The following DSCAM variants were observed in gnomAD, a reference collection of about 807,000 sequenced individuals.
DSCAM encodes cell adhesion molecule DSCAM.
DSCAM carries 47 observed loss-of-function variants against 217.7 expected under a neutral mutation model. The observed-to-expected ratio is 0.22, with a 90% CI of 0.17 to 0.28. The LOEUF (loss-of-function observed/expected upper bound fraction) is 0.28. Among genes scored for constraint, DSCAM ranks in the 10% least tolerant of loss-of-function variants. DSCAM has a pLI of 1.00. For synonymous variants in DSCAM, 1,056 were observed against 1,015.3 expected (o/e 1.04, Z -0.76); for missense variants, 2,080 against 2,618.3 (o/e 0.79, Z 4.49).
chr21:40,122,887 G>A (rs1254920012), intron 20 of DSCAM, among the ~76,000 whole-genome samples: 1 of 152,148 alleles, frequency 6.6e-6, no homozygotes, highest in Non-Finnish European at 1.5e-5. Context: ...GGCACCTGTG[G>A]ACTCTGAGCT....
chr21:40,836,507 C>T (rs2092057775), intron 1 of DSCAM, among the ~76,000 whole-genome samples: 1 of 152,124 alleles, frequency 6.6e-6, no homozygotes, highest in Admixed American at 6.6e-5. Context: ...CGAAAGATGC[C>T]CAAATTCTTA....
intron 1 of DSCAM, among the ~76,000 whole-genome samples, chr21:40,765,904 G>A (rs1172103226): frequency 6.6e-6 from 1 of 152,198 alleles, no homozygotes; most frequent in Admixed American, 6.5e-5. Flanking sequence ...TCAGCTGCAG[G>A]AGAACGAGGA....
At chr21:40,523,195 G>C (rs1447370307) in intron 3 of DSCAM, among the ~76,000 whole-genome samples, 1 of 152,158 alleles carries the variant, frequency 6.6e-6, no homozygotes, top group Admixed American at 6.5e-5. Flanking sequence ...AGAGGAGGTT[G>C]TGGTCCCTGA....
intron 3 of DSCAM, among the ~76,000 whole-genome samples, chr21:40,588,452 A>G (rs2076961988): frequency 1.3e-5 from 2 of 152,224 alleles, no homozygotes; most frequent in Admixed American, 1.3e-4. Flanking sequence ...AAAAGTCTTT[A>G]TAATAAACAT....
intron 3 of DSCAM, among the ~76,000 whole-genome samples, chr21:40,672,957 C>T (rs2090295169): frequency 6.6e-6 from 1 of 152,192 alleles, no homozygotes; most frequent in South Asian, 2.1e-4. Flanking sequence ...CACTTTTCTC[C>T]ACACAGCAAC....
intron 3 of DSCAM, among the ~76,000 whole-genome samples, chr21:40,429,200 T>C (rs901103087): frequency 1.2e-4 from 18 of 152,212 alleles, no homozygotes; most frequent in Middle Eastern, 3.4e-3. Flanking sequence ...AAAATGTCTT[T>C]TGCAAAATAT....
At position 40,465,830 on chromosome 21, in the gene DSCAM, C is replaced by T. The variant is rs185248674; in HGVS notation, c.509-96585G>A. On this transcript the variant is annotated intron_variant, in intron 3 of 32. Transcript: ENST00000400454. ...CTTACTCTTGAAATACTTGAGAAAG[C>T]AACAATGACCCCTTGTTCTGACAAC... 7.0e-4 allele frequency among the ~76,000 whole-genome samples: 107 copies of T among 151,802 alleles called. 1 individual carries two copies. Among genetic ancestry groups the T allele is most frequent in the African/African-American group, 2.5e-3 (104 of 41,394 alleles).
chr21:40,828,586 C>T (rs573084842), intron 1 of DSCAM, among the ~76,000 whole-genome samples: 1 of 152,144 alleles, frequency 6.6e-6, no homozygotes, highest in East Asian at 1.9e-4. Context: ...GCTTCGGTCT[C>T]CCGTCAGCCT....
At chr21:40,805,018 A>G (rs1302465709) in intron 1 of DSCAM, among the ~76,000 whole-genome samples, 1 of 152,122 alleles carries the variant, frequency 6.6e-6, no homozygotes, top group Non-Finnish European at 1.5e-5. Flanking sequence ...CAGCTGTCTG[A>G]ACGAGACTCT....
chr21:40,094,345 A>G (rs1043992908), intron 20 of DSCAM, among the ~76,000 whole-genome samples: 1 of 152,192 alleles, frequency 6.6e-6, no homozygotes, highest in African/African-American at 2.4e-5. Context: ...TTTCTGATAA[A>G]ATAGAGAGCT....
intron 1 of DSCAM, among the ~76,000 whole-genome samples, chr21:40,784,102 A>G (rs2123439656): frequency 6.6e-6 from 1 of 150,926 alleles, no homozygotes; most frequent in Admixed American, 6.6e-5. Flanking sequence ...ATAACTATTT[A>G]TTATTCATTT....
chr21:40,418,944 A>G (rs1398959554), intron 3 of DSCAM, among the ~76,000 whole-genome samples: 1 of 152,160 alleles, frequency 6.6e-6, no homozygotes, highest in Non-Finnish European at 1.5e-5. Context: ...GGAATTCAGG[A>G]CACAGAAAAG....
chr21:40,470,964 ATTTTC>A (rs369388347), intron 3 of DSCAM, among the ~76,000 whole-genome samples: 207 of 152,252 alleles, frequency 1.4e-3, no homozygotes, highest in African/African-American at 4.3e-3. Flanking sequence ...TTGTCTAGCA[ATTTTC>A]TTTTCATTAC....
chr21:40,835,353 T>C lies in DSCAM; in HGVS notation c.43+11266A>G, dbSNP rs544267870. Among the ~76,000 whole-genome samples, 3 of 152,350 alleles carry C rather than the reference T, an allele frequency of 2.0e-5. No homozygotes were observed. In the South Asian group the frequency reaches 6.2e-4, roughly 32 times the overall value. The stretch of plus-strand genomic sequence containing the variant: ...TCCAAATCAGAGAGGAACTGTGAGC[T>C]ATTTTAAACTGAAATCTTCTTCTGC... On this transcript the variant is annotated intron_variant, in intron 1 of 32. Coordinates refer to ENST00000400454, the MANE Select transcript of DSCAM (RefSeq NM_001389.5).
chr21:40,469,544 A>G (rs1267834071), intron 3 of DSCAM, among the ~76,000 whole-genome samples: 1 of 152,226 alleles, frequency 6.6e-6, no homozygotes, highest in Non-Finnish European at 1.5e-5. Context: ...AGATGTTTAA[A>G]GCAAAAAGGA....
chr21:40,232,193 T>C (rs1170397120), intron 11 of DSCAM, among the ~76,000 whole-genome samples: 1 of 152,212 alleles, frequency 6.6e-6, no homozygotes, highest in East Asian at 1.9e-4. Context: ...GCACTAAGAT[T>C]GAATTCTATT....
chr21:40,102,845 T>TC (rs2146614030), intron 20 of DSCAM, among the ~76,000 whole-genome samples: 1 of 152,338 alleles, frequency 6.6e-6, no homozygotes, highest in African/African-American at 2.4e-5. Context: ...CCTTTGTCTT[T>TC]CATAGCCTTT....
chr21:40,415,973 C>A (rs2075367787), intron 3 of DSCAM, among the ~76,000 whole-genome samples: 1 of 152,176 alleles, frequency 6.6e-6, no homozygotes. Context: ...ACTACAGGCA[C>A]ACAGGATTAC....
At chr21:40,281,564 T>C (rs1230871482) in intron 10 of DSCAM, among the ~76,000 whole-genome samples, 2 of 152,230 alleles carry the variant, frequency 1.3e-5, no homozygotes, top group Admixed American at 6.5e-5. Context: ...TATATTACCA[T>C]ATTTACAATA....
Sources: gnomAD v4.1 joint callset for allele counts (sites outside exome capture counted in the v4.1 genomes callset) on GRCh38, gnomAD v4.1.1 for gene constraint, MANE v1.5 for transcripts, NCBI Gene and HGNC (gene_info 2026-07-23, HGNC 2026-07-21) for gene names.